The following ADAMTS10 variants were observed in gnomAD, a reference collection of about 807,000 sequenced individuals.
The protein encoded by ADAMTS10 is ADAM metallopeptidase with thrombospondin type 1 motif 10.
In ADAMTS10, 48 loss-of-function variants were observed where a neutral mutation model predicts 135.9. The ratio of observed to expected loss-of-function variants is 0.35; its 90% confidence interval spans 0.28 to 0.45. The LOEUF (loss-of-function observed/expected upper bound fraction) is 0.45. ADAMTS10 is among the 20% of genes least tolerant of loss of function. The pLI is 1.00. For synonymous variants in ADAMTS10, 621 were observed against 647.5 expected, an observed-to-expected ratio of 0.96 and a Z score of 0.62; for missense variants, 1,131 against 1,565.2, an observed-to-expected ratio of 0.72 and a Z score of 4.68.
Position 8,596,659 on chromosome 19 carries a change from T to C in ADAMTS10, c.1041-74A>G. On this transcript the variant is annotated intron_variant, in intron 8 of 25. Transcript: ENST00000597188. This position sits in a 1 kb window ranked among gnomAD's most constrained non-coding sequence, Gnocchi z 7.2. The stretch of plus-strand genomic sequence containing the variant: ...CCCTGCTGATGCCACCATGCCCAGC[T>C]CTGGGGGTTGAGTCCTGCCTTGGAG... 1 of 1,569,516 alleles carries C rather than the reference T, an allele frequency of 6.4e-7. No homozygotes were observed.
intron 12 of ADAMTS10, 175 bp downstream of exon 12, chr19:8,595,587 T>G: frequency 1.0e-6 from 1 of 975,770 alleles, no homozygotes; most frequent in Non-Finnish European, 1.5e-6. Flanking sequence ...GCTTAGGACA[T>G]TTTGCACACT....
chr19:8,585,612 G>C lies in ADAMTS10; in HGVS notation c.2709C>G (p.Gly903=). 6.2e-7 allele frequency: 1 copy of C among 1,611,490 alleles called. No individual in the cohort carries two copies. Among genetic ancestry groups the C allele is most frequent in the African/African-American group, 1.3e-5 (1 of 75,012 alleles). The change falls in exon 23 of 26, where the codon GGC becomes GGG. Residue 903 remains glycine, a synonymous_variant. Coordinates refer to ENST00000597188, the MANE Select transcript of ADAMTS10 (RefSeq NM_030957.4). Reference sequence around the variant, plus strand: ...GGCACACGACCGAGCGGCTGCGCACGCCTGCATCGCAGCTGCGGCTGCAGA... The same window carrying C: ...GGCACACGACCGAGCGGCTGCGCACCCCTGCATCGCAGCTGCGGCTGCAGA... ...WSLCSRSCDA[G]VRSRSVVCQR... is the part of the protein sequence containing the mutation.
Position 8,592,752 on chromosome 19 carries a change from C to A in ADAMTS10, c.1587+11G>T. 3.7e-6 allele frequency: 6 copies of A among 1,606,922 alleles called. No individual in the cohort carries two copies. Among genetic ancestry groups the A allele is most frequent in the Non-Finnish European group, 5.1e-6 (6 of 1,178,776 alleles). ...GGCGTGGCCCAGTTGGGGGCCCTGG[C>A]CGGCGCTCACCCCCTTGTCGATGGT... On this transcript the variant is annotated intron_variant, in intron 13 of 25. Coordinates refer to ENST00000597188, the MANE Select transcript of ADAMTS10 (RefSeq NM_030957.4).
chr19:8,605,315 G>A lies in ADAMTS10; in HGVS notation c.132C>T (p.Pro44=), dbSNP rs781998726. ...SSLESYEIAF[P]TRVDHNGALL... ...GTGCCCCGTTGTGGTCCACGCGGGT[G>A]GGGAAGGCGATCTCATAGCTCTCCA... The change falls in exon 4 of 26, where the codon CCC becomes CCT. Residue 44 remains proline, a synonymous_variant. Transcript: ENST00000597188. The surrounding 1 kb of genome is among the most constrained non-coding windows in gnomAD (Gnocchi z 7.7). 12 of 1,610,132 alleles carry A rather than the reference G, an allele frequency of 7.5e-6. No individual in the cohort carries two copies. The highest frequency in any genetic ancestry group is 1.0e-5 in the Non-Finnish European group (12 of 1,178,420).
chr19:8,581,200 C>T (rs2042346006), intron 25 of ADAMTS10, 198 bp from the exon 26 acceptor site: 1 of 376,816 alleles, frequency 2.7e-6, no homozygotes, highest in African/African-American at 2.4e-5. Context: ...TGGTCTCCAC[C>T]TCTTGAGCTC....
intron 12 of ADAMTS10, among the ~76,000 whole-genome samples, chr19:8,594,779 CA>C (rs1555739811): frequency 6.6e-6 from 1 of 152,156 alleles, no homozygotes; most frequent in Admixed American, 6.6e-5. Context: ...TGTCAGACAC[CA>C]TGATCATTGT....
chr19:8,583,965 T>G (rs138464784), intron 25 of ADAMTS10, among the ~76,000 whole-genome samples: 5,337 of 151,970 alleles, frequency 0.035, 124 homozygotes, highest in Non-Finnish European at 0.055. Context: ...GAGACCAGCC[T>G]GGCCAACATG....
Position 8,586,807 on chromosome 19 carries a change from T to G in ADAMTS10, c.2239+9A>C, listed in dbSNP as rs367801119. The stretch of plus-strand genomic sequence containing the variant: ...CCTAATCCTCATCCCCTCCCCACCA[T>G]CTGCTCACCCAAGTGACTGAGAGAG... On this transcript the variant is annotated intron_variant, in intron 19 of 25. Coordinates refer to ENST00000597188, the MANE Select transcript of ADAMTS10 (RefSeq NM_030957.4). 6.2e-6 allele frequency: 10 copies of G among 1,614,068 alleles called. No homozygotes were observed. The highest frequency in any genetic ancestry group is 8.5e-6 in the Non-Finnish European group (10 of 1,180,000).
At chr19:8,604,014 T>G in intron 4 of ADAMTS10, 130 bp from the exon 5 acceptor site, 1 of 921,230 alleles carries the variant, frequency 1.1e-6, no homozygotes, top group Non-Finnish European at 1.6e-6. Context: ...TTTTTTTTTT[T>G]GGCATAGGTA....
chr19:8,581,855 A>T (rs933814246), intron 25 of ADAMTS10, among the ~76,000 whole-genome samples: 1 of 136,612 alleles, frequency 7.3e-6, no homozygotes, highest in South Asian at 2.3e-4. Flanking sequence ...AAAAAAACAA[A>T]AAAACAAAAA....
chr19:8,600,727 T>A (rs1466295693), intron 6 of ADAMTS10, among the ~76,000 whole-genome samples: 4 of 152,026 alleles, frequency 2.6e-5, no homozygotes, highest in African/African-American at 9.7e-5. Flanking sequence ...CTCCATCTCC[T>A]GACCTTGTGA....
chr19:8,587,803 C>T (rs2146048146), intron 18 of ADAMTS10, among the ~76,000 whole-genome samples: 1 of 151,628 alleles, frequency 6.6e-6, no homozygotes, highest in Non-Finnish European at 1.5e-5. Flanking sequence ...TGGTGGCGGG[C>T]TCCTGTAGTC....
intron 12 of ADAMTS10, 128 bp downstream of exon 12, chr19:8,595,634 T>C (rs1465031746): frequency 6.9e-7 from 1 of 1,446,320 alleles, no homozygotes; most frequent in African/African-American, 1.4e-5. Context: ...CCATGGGGGC[T>C]CACCTCACCC....
chr19:8,597,264 TAC>T lies in ADAMTS10; in HGVS notation c.862_863del (p.Val288AsnfsTer28). The T allele has an allele frequency of 1.9e-6, 3 of 1,614,048 alleles. No individual in the cohort carries two copies. Among genetic ancestry groups the T allele is most frequent in the Non-Finnish European group, 2.5e-6 (3 of 1,180,006 alleles). On this transcript the variant is annotated frameshift_variant, in exon 7 of 26. Transcript: ENST00000597188. LOFTEE classifies it high-confidence loss of function. ...CCTCCGTGAGCAGGATGAGGCGAGT[TAC>T]GAGGATGTTAACGGTGCTTCCCAGA... The part of the protein sequence containing the change: ...SSLGSTVNIL[V>X]TRLILLTEDQ...
chr19:8,591,703 G>A, intron 15 of ADAMTS10, 97 bp downstream of exon 15: 3 of 1,437,382 alleles, frequency 2.1e-6, no homozygotes, highest in African/African-American at 1.4e-5. Context: ...GCCTCCCAAA[G>A]TGTTGGGATT....
intron 5 of ADAMTS10, 126 bp downstream of exon 5, chr19:8,603,602 C>T: frequency 2.1e-6 from 3 of 1,400,274 alleles, no homozygotes; most frequent in South Asian, 2.4e-5. Context: ...CACTGTGTCC[C>T]CTTCTCAGCA....
chr19:8,585,141 C>T lies in ADAMTS10; in HGVS notation c.3033G>A (p.Glu1011=). 7.1e-7 allele frequency: 1 copy of T among 1,416,446 alleles called. No individual in the cohort carries two copies. Among genetic ancestry groups the T allele is most frequent in the Non-Finnish European group, 9.2e-7 (1 of 1,091,048 alleles). The allele number at this position is 1,416,446 out of a possible 1,614,324, so 87.7% of individuals were successfully genotyped here. A position where few individuals can be genotyped will look rare whatever the true frequency, so the allele number is the denominator to read the frequency against. Residue 1011 remains glutamate, a synonymous_variant, in exon 24 of 26, where the codon GAG becomes GAA. Transcript: ENST00000597188. ...GGGCGCGCCCTCCTACCTCACCCCA[C>T]TCGCCAGCCACCCAGCGGGCCGGGG... The part of the protein sequence containing the change: ...RCPPARWVAG[E]WGECSAQCGV...
chr19:8,592,754 G>A lies in ADAMTS10; in HGVS notation c.1587+9C>T, dbSNP rs782494576. On this transcript the variant is annotated intron_variant, in intron 13 of 25. Coordinates refer to ENST00000597188, the MANE Select transcript of ADAMTS10 (RefSeq NM_030957.4). Reference sequence around the variant, plus strand: ...CGTGGCCCAGTTGGGGGCCCTGGCCGGCGCTCACCCCCTTGTCGATGGTGT... The same window carrying A: ...CGTGGCCCAGTTGGGGGCCCTGGCCAGCGCTCACCCCCTTGTCGATGGTGT... The A allele has an allele frequency of 6.2e-7, 1 of 1,607,808 alleles. No individual in the cohort carries two copies. Among genetic ancestry groups the A allele is most frequent in the Middle Eastern group, 1.7e-4 (1 of 6,008 alleles).
Position 8,580,266 on chromosome 19 carries a change from C to A in ADAMTS10, c.*627G>T, listed in dbSNP as rs536731142. 2 of 154,732 alleles carry A rather than the reference C, an allele frequency of 1.3e-5. No homozygotes were observed. Among genetic ancestry groups the A allele is most frequent in the East Asian group, 3.8e-4 (2 of 5,200 alleles). The allele number at this position is 154,732 out of a possible 1,614,324, so 9.6% of individuals were successfully genotyped here. On this transcript the variant is annotated 3_prime_UTR_variant, in exon 26 of 26. Transcript: ENST00000597188. ...TCGTAGAAATCTACACAAGACAGAACTTTATTGATGTAGGGCTTCCTGGCA... is the reference window on the plus strand; with the variant it reads ...TCGTAGAAATCTACACAAGACAGAAATTTATTGATGTAGGGCTTCCTGGCA...
Sources: gnomAD v4.1 joint callset for allele counts (sites outside exome capture counted in the v4.1 genomes callset) on GRCh38, gnomAD v4.1.1 for gene constraint, Gnocchi (gnomAD v3.1) non-coding constraint, MANE v1.5 for transcripts, NCBI Gene and HGNC (gene_info 2026-07-23, HGNC 2026-07-21) for gene names.